The following ITPR2 variants were observed in gnomAD, a reference collection of about 807,000 sequenced individuals.
ITPR2 encodes inositol 1,4,5-trisphosphate receptor type 2, also known as inositol 1,4,5-trisphosphate-gated calcium channel ITPR2.
ITPR2 carries 207 observed loss-of-function variants against 317.1 expected under a neutral mutation model. The observed-to-expected ratio is 0.65, with a 90% CI of 0.58 to 0.73. The LOEUF is 0.73. Ranked by LOEUF, ITPR2 falls within the 30% of genes least tolerant of loss-of-function variation. The pLI, the probability that ITPR2 is intolerant of heterozygous loss-of-function variation, is 0.00. For synonymous variants in ITPR2, 1,156 were observed against 1,149.1 expected, an observed-to-expected ratio of 1.01 and a Z score of -0.12; for missense variants, 2,613 against 3,284.0, an observed-to-expected ratio of 0.80 and a Z score of 4.99.
chr12:26,572,972 C>A (rs1431120830), intron 34 of ITPR2, among the ~76,000 whole-genome samples: 1 of 123,974 alleles, frequency 8.1e-6, no homozygotes, highest in Non-Finnish European at 1.9e-5. Context: ...GCATAAAATT[C>A]GTACTCAAAA....
intron 21 of ITPR2, among the ~76,000 whole-genome samples, chr12:26,645,170 T>A (rs1320416611): frequency 1.3e-5 from 2 of 152,174 alleles, no homozygotes; most frequent in Non-Finnish European, 2.9e-5. Flanking sequence ...TCTCCCAGAG[T>A]CTGCTTCCTG....
At chr12:26,418,904 G>T in intron 50 of ITPR2, 145 bp downstream of exon 50, 1 of 639,818 alleles carries the variant, frequency 1.6e-6, no homozygotes, top group Non-Finnish European at 2.4e-6. Flanking sequence ...AATAATTCAC[G>T]CTTTTCCTAG....
At chr12:26,409,788 C>T (rs1000296616) in intron 52 of ITPR2, among the ~76,000 whole-genome samples, 1 of 152,102 alleles carries the variant, frequency 6.6e-6, no homozygotes, top group Admixed American at 6.6e-5. Flanking sequence ...GCTCATGGCA[C>T]ATTAGAACTG....
intron 43 of ITPR2, among the ~76,000 whole-genome samples, chr12:26,478,569 G>A (rs978702008): frequency 1.3e-5 from 2 of 151,848 alleles, no homozygotes; most frequent in African/African-American, 4.8e-5. Flanking sequence ...TTGGCAATAT[G>A]GTATTTTTTC....
chr12:26,359,242 C>T (rs569114097), intron 55 of ITPR2, among the ~76,000 whole-genome samples: 44 of 152,190 alleles, frequency 2.9e-4, no homozygotes, highest in African/African-American at 1.0e-3. Flanking sequence ...TCATTTTTTC[C>T]AAGGTCTGGA....
chr12:26,802,107 CT>C (rs1411344213), intron 1 of ITPR2, among the ~76,000 whole-genome samples: 3 of 152,036 alleles, frequency 2.0e-5, no homozygotes, highest in South Asian at 2.1e-4. Context: ...AAAGATCAGC[CT>C]TGGGCAACAT....
chr12:26,703,542 T>C (rs1948494177), intron 9 of ITPR2, among the ~76,000 whole-genome samples: 1 of 152,200 alleles, frequency 6.6e-6, no homozygotes, highest in Non-Finnish European at 1.5e-5. Context: ...TACATCCCAT[T>C]CCCTAACTGT....
At chr12:26,607,368 T>C (rs1413047369) in intron 26 of ITPR2, among the ~76,000 whole-genome samples, 1 of 152,202 alleles carries the variant, frequency 6.6e-6, no homozygotes, top group Admixed American at 6.5e-5. Flanking sequence ...AGATTATAGA[T>C]TATAATGTAG....
intron 51 of ITPR2, among the ~76,000 whole-genome samples, chr12:26,413,532 T>C (rs1592001339): frequency 6.6e-6 from 1 of 152,224 alleles, no homozygotes; most frequent in Non-Finnish European, 1.5e-5. Context: ...ATATGCGGCA[T>C]TAGAAATGAA....
At chr12:26,412,817 A>T (rs1940593589) in intron 51 of ITPR2, among the ~76,000 whole-genome samples, 1 of 152,172 alleles carries the variant, frequency 6.6e-6, no homozygotes, top group Non-Finnish European at 1.5e-5. Context: ...CAATGAAGGC[A>T]TGGACCAGTC....
At chr12:26,700,221 T>C (rs1262803410) in intron 9 of ITPR2, among the ~76,000 whole-genome samples, 1 of 152,176 alleles carries the variant, frequency 6.6e-6, no homozygotes, top group Non-Finnish European at 1.5e-5. Flanking sequence ...TATTCACAAA[T>C]TATTCATGGA....
At chr12:26,507,062 G>C (rs1165342912) in intron 37 of ITPR2, among the ~76,000 whole-genome samples, 1 of 151,996 alleles carries the variant, frequency 6.6e-6, no homozygotes, top group African/African-American at 2.4e-5. Context: ...ATCATTTCTT[G>C]CATCTATTTG....
At chr12:26,650,091 G>A (rs1947211196) in intron 21 of ITPR2, among the ~76,000 whole-genome samples, 1 of 152,010 alleles carries the variant, frequency 6.6e-6, no homozygotes, top group East Asian at 1.9e-4. Context: ...GAATAATTAA[G>A]GTATCTAGAA....
chr12:26,569,425 G>A (rs577546413), intron 34 of ITPR2, among the ~76,000 whole-genome samples: 3 of 151,642 alleles, frequency 2.0e-5, no homozygotes, highest in South Asian at 2.1e-4. Flanking sequence ...GTGGCAGCAC[G>A]TGCCTATAGT....
chr12:26,495,388 G>A (rs1942909995), intron 37 of ITPR2, 128 bp from the exon 38 acceptor site: 2 of 528,284 alleles, frequency 3.8e-6, no homozygotes, highest in Admixed American at 3.8e-5. Context: ...CTTTCTATCA[G>A]ATAATATTTT....
intron 37 of ITPR2, among the ~76,000 whole-genome samples, chr12:26,518,937 T>C (rs1010248322): frequency 6.6e-6 from 1 of 152,068 alleles, no homozygotes; most frequent in Non-Finnish European, 1.5e-5. Flanking sequence ...TTTGAAAGAC[T>C]GCATAAAACG....
chr12:26,387,655 G>A (rs1939704474), intron 54 of ITPR2, 61 bp from the exon 55 acceptor site: 1 of 1,467,128 alleles, frequency 6.8e-7, no homozygotes, highest in Non-Finnish European at 9.3e-7. Flanking sequence ...TTGCTTCTTA[G>A]CATAAAAACA....
chr12:26,675,972 A>G (rs11048643), intron 13 of ITPR2, among the ~76,000 whole-genome samples: 8,577 of 152,106 alleles, frequency 0.056, 366 homozygotes, highest in South Asian at 0.11. Flanking sequence ...AGCCTGGCCA[A>G]CATGGTGAAA....
chr12:26,538,890 C>T (rs1441481933), intron 37 of ITPR2, among the ~76,000 whole-genome samples: 1 of 152,120 alleles, frequency 6.6e-6, no homozygotes, highest in African/African-American at 2.4e-5. Context: ...GTGATTCTTA[C>T]CAGGTCATTT....
Sources: gnomAD v4.1 joint callset for allele counts (sites outside exome capture counted in the v4.1 genomes callset) on GRCh38, gnomAD v4.1.1 for gene constraint, MANE v1.5 for transcripts, NCBI Gene and HGNC (gene_info 2026-07-23, HGNC 2026-07-21) for gene names.